RPS6KB1: variants seen among roughly 807,000 people sequenced by gnomAD.
RPS6KB1 encodes the protein ribosomal protein S6 kinase beta-1.
A neutral mutation model predicts 70.2 loss-of-function variants in RPS6KB1; 12 were observed. The ratio of observed to expected loss-of-function variants is 0.17; its 90% confidence interval spans 0.11 to 0.28. The LOEUF (loss-of-function observed/expected upper bound fraction) is 0.28. RPS6KB1 is among the 10% of genes least tolerant of loss of function. RPS6KB1 has a pLI of 1.00. For synonymous variants in RPS6KB1, 175 were observed against 211.2 expected (o/e 0.83, Z 1.49); for missense variants, 270 against 646.6 (o/e 0.42, Z 6.32).
intron 13 of RPS6KB1, among the ~76,000 whole-genome samples, chr17:59,942,839 G>T (rs2044692501): frequency 6.6e-6 from 1 of 152,088 alleles, no homozygotes; most frequent in Admixed American, 6.6e-5. Flanking sequence ...AATTAGCCAG[G>T]TGTGGTGGCA....
At position 59,893,272 on chromosome 17, in the gene RPS6KB1, A is replaced by C; in HGVS notation, c.88A>C (p.Ile30Leu). 1 of 1,612,384 alleles carries C rather than the reference A, an allele frequency of 6.2e-7. No individual in the cohort carries two copies. Among genetic ancestry groups the C allele is most frequent in the East Asian group, 2.2e-5 (1 of 44,828 alleles). Residue 30 changes from isoleucine to leucine, a missense_variant, in exon 1 of 15, where the codon ATA becomes CTA. Transcript: ENST00000225577. The surrounding 1 kb of genome is among the most constrained non-coding windows in gnomAD (Gnocchi z 4.1). Reference protein sequence around the residue: ...EAEDMAGVFDIDLDQPEDAGS... With the variant: ...EAEDMAGVFDLDLDQPEDAGS... ...TGAGGACATGGCAGGAGTGTTTGAC[A>C]TAGACCTGGACCAGCCAGAGGACGC... is the stretch of plus-strand genomic sequence containing the variant.
intron 12 of RPS6KB1, among the ~76,000 whole-genome samples, chr17:59,938,689 A>G (rs1364326841): frequency 7.1e-6 from 1 of 139,988 alleles, no homozygotes; most frequent in Non-Finnish European, 1.5e-5. Flanking sequence ...CAGGAGGCAT[A>G]ATGTGTAGTT....
chr17:59,905,759 G>C (rs1435417103), intron 1 of RPS6KB1, among the ~76,000 whole-genome samples: 1 of 152,080 alleles, frequency 6.6e-6, no homozygotes, highest in African/African-American at 2.4e-5. Flanking sequence ...ACCCGCCTCA[G>C]CCTCCCAAAG....
Position 59,935,175 on chromosome 17 carries a change from C to T in RPS6KB1, c.871-18C>T. On this transcript the variant is annotated intron_variant, in intron 9 of 14. Transcript: ENST00000225577. ...TTTCTCTCCCTGCTAATATTTTTCA[C>T]TTGTCTTCTACTCTTAGCCCCCATT... The T allele has an allele frequency of 2.0e-6, 3 of 1,492,968 alleles. No individual in the cohort carries two copies. Among genetic ancestry groups the T allele is most frequent in the South Asian group, 2.4e-5 (2 of 84,946 alleles). The allele number at this position is 1,492,968 out of a possible 1,614,324, so 92.5% of individuals were successfully genotyped here.
chr17:59,936,858 C>A (rs1406026597), intron 12 of RPS6KB1, among the ~76,000 whole-genome samples: 1 of 152,062 alleles, frequency 6.6e-6, no homozygotes, highest in Non-Finnish European at 1.5e-5. Context: ...TCTCCAGCAT[C>A]TTTATTTTAT....
chr17:59,943,889 A>ATT (rs2044761226), intron 13 of RPS6KB1, among the ~76,000 whole-genome samples: 1 of 115,762 alleles, frequency 8.6e-6, no homozygotes, highest in East Asian at 2.8e-4. Flanking sequence ...AAAAAAAAAA[A>ATT]TTATATATAT....
chr17:59,893,272 A>T lies in RPS6KB1; in HGVS notation c.88A>T (p.Ile30Leu). Reference protein sequence around the residue: ...EAEDMAGVFDIDLDQPEDAGS... With the variant: ...EAEDMAGVFDLDLDQPEDAGS... ...TGAGGACATGGCAGGAGTGTTTGACATAGACCTGGACCAGCCAGAGGACGC... is the reference window on the plus strand; with the variant it reads ...TGAGGACATGGCAGGAGTGTTTGACTTAGACCTGGACCAGCCAGAGGACGC... The change falls in exon 1 of 15, where the codon ATA (isoleucine) becomes TTA (leucine). Residue 30 changes from isoleucine (I) to leucine (L), a missense_variant. Ile to Leu is a conservative substitution (Grantham distance 5). This residue lies in a region of RPS6KB1 where 72 missense variants were observed against 93.4 expected (regional missense o/e 0.77). Transcript: ENST00000225577. This position sits in a 1 kb window ranked among gnomAD's most constrained non-coding sequence, Gnocchi z 4.1. 6.2e-7 allele frequency: 1 copy of T among 1,612,384 alleles called. No homozygotes were observed. The highest frequency in any genetic ancestry group is 1.1e-5 in the South Asian group (1 of 90,780).
chr17:59,915,802 T>TTTG (rs2042926033), intron 4 of RPS6KB1, among the ~76,000 whole-genome samples: 3 of 143,202 alleles, frequency 2.1e-5, no homozygotes, highest in East Asian at 2.1e-4. Flanking sequence ...TTTTTTTTAT[T>TTTG]GTGACAGAGT....
intron 1 of RPS6KB1, among the ~76,000 whole-genome samples, chr17:59,896,447 G>A (rs1382431061): frequency 6.6e-6 from 1 of 152,094 alleles, no homozygotes; most frequent in Non-Finnish European, 1.5e-5. Context: ...GCCTGCCTTG[G>A]CCTCTCAAAA....
rs983245824 is a variant in RPS6KB1, at chr17:59,924,839, A to T, written c.382-1596A>T. Among the ~76,000 whole-genome samples the T allele has an allele frequency of 2.4e-3, 361 of 149,492 alleles. 3 individuals carry two copies. Among genetic ancestry groups the T allele is most frequent in the African/African-American group, 5.5e-3 (222 of 40,708 alleles). On this transcript the variant is annotated intron_variant, in intron 4 of 14. Coordinates refer to ENST00000225577, the MANE Select transcript of RPS6KB1 (RefSeq NM_003161.4). The stretch of plus-strand genomic sequence containing the variant: ...TATTTATTTATTTATTTATTTATTT[A>T]TTTTTTTGAGACGGAGTCTCACTTT...
At chr17:59,903,367 C>G (rs987895185) in intron 1 of RPS6KB1, among the ~76,000 whole-genome samples, 1 of 150,334 alleles carries the variant, frequency 6.7e-6, no homozygotes, top group African/African-American at 2.5e-5. Flanking sequence ...CCCAGCTGTT[C>G]GGGAGGCTGA....
chr17:59,936,832 G>T (rs1350751986), intron 12 of RPS6KB1, among the ~76,000 whole-genome samples: 1 of 152,130 alleles, frequency 6.6e-6, no homozygotes, highest in African/African-American at 2.4e-5. Flanking sequence ...GCAGTTCAAA[G>T]ATCTCTGGTC....
chr17:59,919,756 T>C (rs1417814560), intron 4 of RPS6KB1, among the ~76,000 whole-genome samples: 2 of 152,142 alleles, frequency 1.3e-5, no homozygotes, highest in African/African-American at 2.4e-5. Flanking sequence ...GTCTGTTCCT[T>C]ACACAGACTT....
rs1019982421 is a variant in RPS6KB1, at chr17:59,947,731, A to C, written c.*943A>C. 7.6e-6 allele frequency: 5 copies of C among 661,318 alleles called. No homozygotes were observed. The highest frequency in any genetic ancestry group is 1.4e-5 in the Non-Finnish European group (5 of 361,214). 41.0% of individuals were successfully genotyped at this position (661,318 alleles called of 1,614,324 possible). ...CACCAGTATTTGGTTCAAGACACCAAATGTCTTCAGCCCATGGCTGAAGAA... is the reference window on the plus strand; with the variant it reads ...CACCAGTATTTGGTTCAAGACACCACATGTCTTCAGCCCATGGCTGAAGAA... On this transcript the variant is annotated 3_prime_UTR_variant, in exon 15 of 15. Coordinates refer to ENST00000225577, the MANE Select transcript of RPS6KB1 (RefSeq NM_003161.4).
rs542273107 is a variant in RPS6KB1 at position 59,923,172 on chromosome 17, T to G, written c.382-3263T>G. Among the ~76,000 whole-genome samples, 4 of 151,928 alleles carry G rather than the reference T, an allele frequency of 2.6e-5. No homozygotes were observed. In the East Asian group the frequency reaches 7.8e-4, roughly 29 times the overall value. Reference sequence around the variant, plus strand: ...CCACCGCACCTGGTCTTTTTTTTTTTTTGTGAGACAGGTTCTTCCTCTGTT... The same window carrying G: ...CCACCGCACCTGGTCTTTTTTTTTTGTTGTGAGACAGGTTCTTCCTCTGTT... On this transcript the variant is annotated intron_variant, in intron 4 of 14. Coordinates refer to ENST00000225577, the MANE Select transcript of RPS6KB1 (RefSeq NM_003161.4).
chr17:59,919,947 A>C (rs994734922), intron 4 of RPS6KB1, among the ~76,000 whole-genome samples: 1 of 151,646 alleles, frequency 6.6e-6, no homozygotes, highest in Non-Finnish European at 1.5e-5. Flanking sequence ...ATCTTACCCC[A>C]CTCTGCTACA....
chr17:59,898,286 A>G (rs1294296314), intron 1 of RPS6KB1, among the ~76,000 whole-genome samples: 1 of 152,122 alleles, frequency 6.6e-6, no homozygotes, highest in Non-Finnish European at 1.5e-5. Context: ...CAAGTTTCAG[A>G]TTGGGACATC....
At chr17:59,944,714 G>T (rs575320586) in intron 13 of RPS6KB1, among the ~76,000 whole-genome samples, 1 of 151,960 alleles carries the variant, frequency 6.6e-6, no homozygotes, top group East Asian at 1.9e-4. Context: ...CTGTTTTAGG[G>T]TGATAAACTT....
rs932605136 is a variant in RPS6KB1 at position 59,893,467 on chromosome 17, C to G, written c.141+142C>G. 2 of 869,112 alleles carry G rather than the reference C, an allele frequency of 2.3e-6. No individual in the cohort carries two copies. The highest frequency in any genetic ancestry group is 2.7e-5 in the East Asian group (1 of 37,304). 53.8% of individuals were successfully genotyped at this position (869,112 alleles called of 1,614,324 possible). A position where few individuals can be genotyped will look rare whatever the true frequency, so the allele number is the denominator to read the frequency against. ...GGTCGCGCGGCCTGAGACAGGGGAG[C>G]GGGCGGGGCGGTCATGGCCCTAGGT... On this transcript the variant is annotated intron_variant, in intron 1 of 14. Coordinates refer to ENST00000225577, the MANE Select transcript of RPS6KB1 (RefSeq NM_003161.4). This position sits in a 1 kb window ranked among gnomAD's most constrained non-coding sequence, Gnocchi z 4.1.
Sources: allele counts gnomAD v4.1 joint callset (sites outside exome capture counted in the v4.1 genomes callset), GRCh38; gene constraint gnomAD v4.1.1; regional missense constraint gnomAD v4.1.1; non-coding constraint Gnocchi (gnomAD v3.1); transcripts MANE v1.5; gene names NCBI Gene and HGNC (gene_info 2026-07-23, HGNC 2026-07-21).